The following PTPN9 variants were observed in gnomAD, a reference collection of about 807,000 sequenced individuals.
PTPN9 encodes the protein tyrosine-protein phosphatase non-receptor type 9.
PTPN9 carries 26 observed loss-of-function variants against 69.8 expected under a neutral mutation model. The ratio of observed to expected loss-of-function variants is 0.37; its 90% CI spans 0.27 to 0.52. PTPN9 has a LOEUF of 0.52. Among genes scored for constraint, PTPN9 ranks in the 20% least tolerant of loss-of-function variants. The pLI is 0.91. For synonymous variants in PTPN9, 274 were observed against 272.5 expected, an observed-to-expected ratio of 1.01 and a Z score of -0.05; for missense variants, 549 against 740.3, an observed-to-expected ratio of 0.74 and a Z score of 3.00.
chr15:75,487,667 C>T (rs922772257), intron 8 of PTPN9: 1 of 152,260 alleles, frequency 6.6e-6, no homozygotes, highest in African/African-American at 2.4e-5. Context: ...ATGATGATCT[C>T]AGCAGTACTG....
intron 4 of PTPN9, among the ~76,000 whole-genome samples, chr15:75,519,634 A>C (rs1339546791): frequency 6.7e-6 from 1 of 150,052 alleles, no homozygotes; most frequent in Non-Finnish European, 1.5e-5. Context: ...TTATTTCTTT[A>C]CTTATTTTTT....
intron 1 of PTPN9, among the ~76,000 whole-genome samples, chr15:75,563,117 A>G (rs956228910): frequency 2.0e-5 from 3 of 152,080 alleles, no homozygotes; most frequent in Non-Finnish European, 2.9e-5. Flanking sequence ...CCAGGTGTCT[A>G]TTGTTCCCTT....
chr15:75,468,788 A>T lies in PTPN9; in HGVS notation c.1763T>A (p.Leu588Gln), dbSNP rs1356314926. Reference sequence around the variant, plus strand: ...GGAGAGTTACTGACTCTCCACGGCCAGCAGGTTTTGGCCAGAGGATACCAT... The same window carrying T: ...GGAGAGTTACTGACTCTCCACGGCCTGCAGGTTTTGGCCAGAGGATACCAT... ...EGMVSSGQNL[L>Q]AVESQ Residue 588 changes from leucine to glutamine, a missense_variant, in exon 13 of 13, where the codon CTG becomes CAG. Physicochemically the swap from Leu to Gln is moderately radical, Grantham distance 113. This residue lies in a region of PTPN9 where 30 missense variants were observed against 24.8 expected (regional missense o/e 1.21). Transcript: ENST00000618819. 1 of 1,614,032 alleles carries T rather than the reference A, an allele frequency of 6.2e-7. No homozygotes were observed. Among genetic ancestry groups the T allele is most frequent in the Non-Finnish European group, 8.5e-7 (1 of 1,179,974 alleles).
At chr15:75,483,033 T>C (rs1422724536) in intron 8 of PTPN9, among the ~76,000 whole-genome samples, 1 of 151,994 alleles carries the variant, frequency 6.6e-6, no homozygotes, top group Non-Finnish European at 1.5e-5. Flanking sequence ...TTATACCCAC[T>C]AGGATGGCTA....
intron 1 of PTPN9, among the ~76,000 whole-genome samples, chr15:75,562,323 G>A (rs1166551349): frequency 1.3e-5 from 2 of 152,184 alleles, no homozygotes; most frequent in Non-Finnish European, 2.9e-5. Context: ...TGGGAACAAT[G>A]TAGCCACACC....
chr15:75,558,793 G>T (rs1272455006), intron 1 of PTPN9, among the ~76,000 whole-genome samples: 10 of 150,528 alleles, frequency 6.6e-5, no homozygotes, highest in East Asian at 3.9e-4. Flanking sequence ...GGCCTCCCAA[G>T]GTGCCGGGAT....
At chr15:75,557,403 C>T (rs748475808) in intron 1 of PTPN9, among the ~76,000 whole-genome samples, 14 of 149,996 alleles carry the variant, frequency 9.3e-5, no homozygotes, top group South Asian at 2.1e-4. Context: ...CCAGCCTGGT[C>T]GACAGAATGG....
intron 8 of PTPN9, among the ~76,000 whole-genome samples, chr15:75,482,781 AT>A (rs1265841904): frequency 2.7e-5 from 4 of 149,396 alleles, no homozygotes; most frequent in Admixed American, 2.0e-4. Flanking sequence ...CAATAAAAAA[AT>A]AAATTAAAAA....
intron 1 of PTPN9, among the ~76,000 whole-genome samples, chr15:75,575,905 C>A (rs1253813234): frequency 3.1e-5 from 3 of 97,854 alleles, no homozygotes; most frequent in African/African-American, 4.1e-5. Context: ...GGCAACAGAG[C>A]AAGACTCCAT....
At position 75,527,100 on chromosome 15, in the gene PTPN9, T is replaced by C. The variant is rs1248085982; in HGVS notation, c.207+18A>G. 2 of 1,613,950 alleles carry C rather than the reference T, an allele frequency of 1.2e-6. No individual in the cohort carries two copies. The highest frequency in any genetic ancestry group is 2.7e-5 in the African/African-American group (2 of 74,916). ...TAACCCAACTGCCACAGGTCTGGTC[T>C]ACCCCTGAGCCACATACTCTGTAGG... On this transcript the variant is annotated intron_variant, in intron 2 of 12. Coordinates refer to ENST00000618819, the MANE Select transcript of PTPN9 (RefSeq NM_002833.4).
At chr15:75,565,702 T>C (rs2075124054) in intron 1 of PTPN9, among the ~76,000 whole-genome samples, 1 of 152,236 alleles carries the variant, frequency 6.6e-6, no homozygotes, top group Admixed American at 6.5e-5. Context: ...TATCATTCTT[T>C]GCACTCATTT....
chr15:75,486,497 A>G (rs1410242819), intron 8 of PTPN9, among the ~76,000 whole-genome samples: 3 of 152,148 alleles, frequency 2.0e-5, no homozygotes, highest in African/African-American at 7.2e-5. Context: ...TTGATCTTGG[A>G]CTTCCCAGAC....
At chr15:75,542,027 T>G (rs772010936) in intron 1 of PTPN9, among the ~76,000 whole-genome samples, 6 of 148,314 alleles carry the variant, frequency 4.0e-5, no homozygotes, top group Non-Finnish European at 5.9e-5. Flanking sequence ...CAGAGCAAGA[T>G]GCCATCTCAA....
At chr15:75,567,996 A>C (rs1192267592) in intron 1 of PTPN9, among the ~76,000 whole-genome samples, 16 of 94,498 alleles carry the variant, frequency 1.7e-4, no homozygotes, top group Admixed American at 1.4e-3. Context: ...ACTCCGTCTC[A>C]AAAAAAAAAA....
intron 1 of PTPN9, among the ~76,000 whole-genome samples, chr15:75,532,916 G>C (rs1198865372): frequency 6.6e-6 from 1 of 152,192 alleles, no homozygotes; most frequent in African/African-American, 2.4e-5. Context: ...GTAATTTGTA[G>C]CTCTGCTGGT....
chr15:75,527,019 G>A, intron 2 of PTPN9, 99 bp downstream of exon 2: 1 of 1,428,280 alleles, frequency 7.0e-7, no homozygotes, highest in Non-Finnish European at 9.7e-7. Context: ...AAAGTGAGGA[G>A]GAACACTTAG....
intron 1 of PTPN9, among the ~76,000 whole-genome samples, chr15:75,540,120 T>G (rs1279644360): frequency 6.6e-6 from 1 of 152,202 alleles, no homozygotes; most frequent in Non-Finnish European, 1.5e-5. Flanking sequence ...CTCTGCCTTT[T>G]TGAAGGAAAG....
chr15:75,483,621 G>T (rs2074657000), intron 8 of PTPN9, among the ~76,000 whole-genome samples: 2 of 152,180 alleles, frequency 1.3e-5, no homozygotes, highest in Admixed American at 1.3e-4. Context: ...AAAGTTGTTT[G>T]TGGTGATGGT....
chr15:75,505,941 G>A lies in PTPN9; in HGVS notation c.702C>T (p.Asn234=). 1 of 1,614,118 alleles carries A rather than the reference G, an allele frequency of 6.2e-7. No individual in the cohort carries two copies. The highest frequency in any genetic ancestry group is 8.5e-7 in the Non-Finnish European group (1 of 1,179,980). Residue 234 remains asparagine (N), a synonymous_variant, in exon 7 of 13, where the codon AAC becomes AAT. Coordinates refer to ENST00000618819, the MANE Select transcript of PTPN9 (RefSeq NM_002833.4). The stretch of plus-strand genomic sequence containing the variant: ...GATCAATTTTGACGTACCCACCCAG[G>A]TTTTCTGGAAGACACTCCCTGGGCA... The part of the protein sequence containing the change: ...QHLPRECLPE[N]LGGYVKIDLA...
Sources: allele counts gnomAD v4.1 joint callset (sites outside exome capture counted in the v4.1 genomes callset), GRCh38; gene constraint gnomAD v4.1.1; regional missense constraint gnomAD v4.1.1; transcripts MANE v1.5; gene names NCBI Gene and HGNC (gene_info 2026-07-23, HGNC 2026-07-21).